Variants in TG observed in about 807,000 individuals in gnomAD.
TG encodes thyroglobulin.
TG carries 270 observed loss-of-function variants against 324.7 expected under a neutral mutation model. That is an observed-to-expected ratio of 0.83 (90% CI 0.75 to 0.92). The LOEUF (loss-of-function observed/expected upper bound fraction) is 0.92. Among genes scored for constraint, TG ranks in the 40% least tolerant of loss-of-function variants. The pLI, the probability that TG is intolerant of heterozygous loss-of-function variation, is 0.00. For missense variants in TG, 3,591 were observed against 3,456.4 expected (o/e 1.04, Z -0.98); for synonymous variants, 1,401 against 1,327.0 (o/e 1.06, Z -1.21).
rs1051538098 is a variant in TG at position 132,898,026 on chromosome 8, A to G, written c.3140-143A>G. The G allele has an allele frequency of 7.5e-6, 7 of 937,292 alleles. No individual in the cohort carries two copies. In the Admixed American group the frequency reaches 8.0e-5, roughly 11 times the overall value. 58.1% of individuals were successfully genotyped at this position (937,292 alleles called of 1,614,324 possible). ...GGGGGCATCAGAGTGATTGTGGACA[A>G]TGTCCGGCTGGGGGTCTAGACTGGG... On this transcript the variant is annotated intron_variant, in intron 12 of 47. Coordinates refer to ENST00000220616, the MANE Select transcript of TG (RefSeq NM_003235.5).
chr8:133,077,735 A>G lies in TG; in HGVS notation c.7240-17309A>G, dbSNP rs867263364. ...TGGATCAGGGCATTCTCTGGTGTGT[A>G]TGTGTGTGTGTGTGTGTGTGTGTGT... On this transcript the variant is annotated intron_variant, in intron 41 of 47. Transcript: ENST00000220616. Among the ~76,000 whole-genome samples the G allele has an allele frequency of 2.2e-4, 32 of 148,174 alleles. No homozygotes were observed. In the South Asian group the frequency reaches 2.6e-3, roughly 12 times the overall value.
At chr8:133,076,560 G>A (rs1241842193) in intron 41 of TG, 1 of 151,792 alleles carries the variant, frequency 6.6e-6, no homozygotes, top group Non-Finnish European at 1.5e-5. Context: ...ATGCAGAAGT[G>A]GAGATTTTCC....
intron 41 of TG, chr8:133,037,299 T>A (rs1313162870): frequency 6.6e-6 from 1 of 152,256 alleles, no homozygotes; most frequent in African/African-American, 2.4e-5. Flanking sequence ...CTTAAAATTA[T>A]GCATGACATC....
chr8:132,919,331 A>G lies in TG; in HGVS notation c.4379-45A>G, dbSNP rs780418764. ...GTGTGTTCTGGGATTGTAACTGTGA[A>G]GCATGTGTCTTGATTTTTAACATCA... On this transcript the variant is annotated intron_variant, in intron 20 of 47. Transcript: ENST00000220616. The G allele has an allele frequency of 3.2e-5, 51 of 1,596,728 alleles. 1 individual carries two copies. In the South Asian group the frequency reaches 5.3e-4, roughly 16 times the overall value.
intron 41 of TG, among the ~76,000 whole-genome samples, chr8:133,058,497 C>T (rs1841865462): frequency 2.0e-5 from 3 of 152,218 alleles, no homozygotes; most frequent in Admixed American, 2.0e-4. Context: ...TTCGCTCAAG[C>T]ATGCTGCCCC....
intron 34 of TG, among the ~76,000 whole-genome samples, chr8:132,978,333 A>T (rs1830422415): frequency 6.6e-6 from 1 of 152,170 alleles, no homozygotes; most frequent in Non-Finnish European, 1.5e-5. Context: ...GTACCAAGCC[A>T]TTCATGATGG....
intron 45 of TG, among the ~76,000 whole-genome samples, chr8:133,120,302 T>A (rs1851039904): frequency 6.6e-6 from 1 of 152,158 alleles, no homozygotes; most frequent in Admixed American, 6.5e-5. Context: ...TACATGAGGG[T>A]GAAAACAATC....
At chr8:133,115,649 G>T (rs1182203411) in intron 44 of TG, among the ~76,000 whole-genome samples, 1 of 152,234 alleles carries the variant, frequency 6.6e-6, no homozygotes, top group Non-Finnish European at 1.5e-5. Flanking sequence ...CCACTTCTCA[G>T]CTGGGAAGAC....
chr8:132,919,292 A>AT (rs1820801628), intron 20 of TG, 84 bp from the exon 21 acceptor site: 2 of 1,450,928 alleles, frequency 1.4e-6, no homozygotes, highest in African/African-American at 1.4e-5. Flanking sequence ...TGGTTTGAGG[A>AT]TTTTCTTTAC....
In TG at chr8:133,017,972, G is replaced by A. The variant is rs1196565092; in HGVS notation, c.6757G>A (p.Gly2253Ser). ...FQAPEPLNWTGSWDASKPRAS... is the reference protein window; with the variant it reads ...FQAPEPLNWTSSWDASKPRAS... ...GGCACCAGAGCCCTTGAACTGGACAGGCTCCTGGGATGCCAGCAAGCCAAG... is the reference window on the plus strand; with the variant it reads ...GGCACCAGAGCCCTTGAACTGGACAAGCTCCTGGGATGCCAGCAAGCCAAG... The change falls in exon 38 of 48, where the codon GGC (glycine) becomes AGC (serine). Residue 2253 changes from glycine to serine, a missense_variant. Gly to Ser is a moderately conservative substitution (Grantham distance 56). Coordinates refer to ENST00000220616, the MANE Select transcript of TG (RefSeq NM_003235.5). 11 of 1,614,224 alleles carry A rather than the reference G, an allele frequency of 6.8e-6. No homozygotes were observed. Among genetic ancestry groups the A allele is most frequent in the Non-Finnish European group, 9.3e-6 (11 of 1,180,036 alleles).
intron 4 of TG, 87 bp from the exon 5 acceptor site, chr8:132,872,975 C>CTAAG (rs767778759): frequency 4.9e-6 from 7 of 1,425,896 alleles, no homozygotes; most frequent in Non-Finnish European, 5.9e-6. Flanking sequence ...ATCCCCATTG[C>CTAAG]TAAGGGACAC....
rs950528683 is a variant in TG, at chr8:132,869,621, C to G, written c.177-108C>G. ...CCACTCTCTCCCTAATTTAAACGAACCAAAACTTGCAAGAATGGAAATGAA... is the reference window on the plus strand; with the variant it reads ...CCACTCTCTCCCTAATTTAAACGAAGCAAAACTTGCAAGAATGGAAATGAA... On this transcript the variant is annotated intron_variant, in intron 2 of 47. Transcript: ENST00000220616. The G allele has an allele frequency of 5.8e-6, 6 of 1,028,204 alleles. No individual in the cohort carries two copies. The African/African-American group carries it at 9.5e-5, about 16-fold the overall frequency. 63.7% of individuals were successfully genotyped at this position (1,028,204 alleles called of 1,614,324 possible). A position where few individuals can be genotyped will look rare whatever the true frequency, so the allele number is the denominator to read the frequency against.
At chr8:133,058,890 A>C (rs1055153830) in intron 41 of TG, among the ~76,000 whole-genome samples, 2 of 152,088 alleles carry the variant, frequency 1.3e-5, no homozygotes, top group African/African-American at 2.4e-5. Context: ...AAATAAGAGC[A>C]CTAGGATTGT....
At chr8:132,945,986 T>A (rs1825208791) in intron 26 of TG, among the ~76,000 whole-genome samples, 1 of 152,134 alleles carries the variant, frequency 6.6e-6, no homozygotes, top group African/African-American at 2.4e-5. Context: ...TTTAATGTTC[T>A]ATGATTATGT....
chr8:132,911,472 T>C lies in TG; in HGVS notation c.4098T>C (p.Val1366=). 1.2e-6 allele frequency: 2 copies of C among 1,614,208 alleles called. No homozygotes were observed. The highest frequency in any genetic ancestry group is 8.5e-7 in the Non-Finnish European group (1 of 1,180,030). Reference sequence around the variant, plus strand: ...CCAGGGAGCGTTTAGGAGTGAATGTTACATGGAAATCACGGCTTGAGGACA... The same window carrying C: ...CCAGGGAGCGTTTAGGAGTGAATGTCACATGGAAATCACGGCTTGAGGACA... ...CLTRERLGVN[V]TWKSRLEDIP... Residue 1366 remains valine, a synonymous_variant, in exon 19 of 48, where the codon GTT becomes GTC. Coordinates refer to ENST00000220616, the MANE Select transcript of TG (RefSeq NM_003235.5).
intron 41 of TG, chr8:133,059,298 C>A (rs1335232376): frequency 1.4e-5 from 5 of 366,106 alleles, no homozygotes; most frequent in Non-Finnish European, 2.7e-5. Context: ...TTCCCAAGAC[C>A]CCACAATATG....
chr8:133,116,390 G>C (rs1850687265), intron 44 of TG, among the ~76,000 whole-genome samples: 1 of 152,252 alleles, frequency 6.6e-6, no homozygotes, highest in South Asian at 2.1e-4. Context: ...CCACCTACCA[G>C]AGGGAACTGT....
At chr8:132,926,010 G>A (rs1412861809) in intron 22 of TG, among the ~76,000 whole-genome samples, 1 of 152,204 alleles carries the variant, frequency 6.6e-6, no homozygotes, top group Non-Finnish European at 1.5e-5. Flanking sequence ...CTTATGCAAA[G>A]CTCTGAGCTT....
chr8:133,035,842 C>T lies in TG; in HGVS notation c.7239+5819C>T, dbSNP rs550308085. On this transcript the variant is annotated intron_variant, in intron 41 of 47. Coordinates refer to ENST00000220616, the MANE Select transcript of TG (RefSeq NM_003235.5). ...AATGCTGGAATTTTAAAGATTTGTCCTCCACACAGCATGATCTTTTAAACA... is the reference window on the plus strand; with the variant it reads ...AATGCTGGAATTTTAAAGATTTGTCTTCCACACAGCATGATCTTTTAAACA... Among the ~76,000 whole-genome samples the T allele has an allele frequency of 5.6e-4, 85 of 152,222 alleles. No individual in the cohort carries two copies. In the South Asian group the frequency reaches 8.5e-3, roughly 15 times the overall value.
Sources: gnomAD v4.1 joint callset for allele counts (sites outside exome capture counted in the v4.1 genomes callset) on GRCh38, gnomAD v4.1.1 for gene constraint, MANE v1.5 for transcripts, NCBI Gene and HGNC (gene_info 2026-07-23, HGNC 2026-07-21) for gene names.